Variants in PCDHA3 observed in about 807,000 individuals in gnomAD.
The protein encoded by PCDHA3 is protocadherin alpha 3.
A neutral mutation model predicts 62.2 loss-of-function variants in PCDHA3; 41 were observed. The ratio of observed to expected loss-of-function variants is 0.66; its 90% CI spans 0.51 to 0.86. PCDHA3 has a LOEUF of 0.86. PCDHA3 is among the 40% of genes least tolerant of loss of function. The probability of loss-of-function intolerance (pLI) is 0.00; values close to 1 mark genes in which losing one functional copy is unlikely to be tolerated. For missense variants in PCDHA3, 1,304 were observed against 1,241.2 expected (o/e 1.05, Z -0.76); for synonymous variants, 640 against 555.4 (o/e 1.15, Z -2.14).
intron 1 of PCDHA3, among the ~76,000 whole-genome samples, chr5:140,892,933 T>C (rs1323780846): frequency 6.6e-6 from 1 of 152,210 alleles, no homozygotes; most frequent in Non-Finnish European, 1.5e-5. Context: ...CAGCCTCTGA[T>C]AAGCACAATA....
chr5:140,841,456 G>T (rs2150315881), intron 1 of PCDHA3: 1 of 1,612,922 alleles, frequency 6.2e-7, no homozygotes, highest in South Asian at 1.1e-5. Context: ...GCACCTTCGT[G>T]GGCCGGATCG....
intron 1 of PCDHA3, chr5:140,828,480 C>A (rs2150155804): frequency 6.2e-7 from 1 of 1,614,198 alleles, no homozygotes; most frequent in African/African-American, 1.3e-5. Context: ...AACGACAACC[C>A]GCCCTTGTTC....
chr5:140,823,471 G>A (rs1554129365), intron 1 of PCDHA3: 8 of 1,613,470 alleles, frequency 5.0e-6, no homozygotes, highest in Non-Finnish European at 6.8e-6. Context: ...GGCGCTGCTG[G>A]TGCCTCGAGT....
At chr5:140,941,247 CT>C (rs1398354432) in intron 1 of PCDHA3, among the ~76,000 whole-genome samples, 1 of 128,506 alleles carries the variant, frequency 7.8e-6, no homozygotes, top group African/African-American at 2.9e-5. Context: ...TTCTTTCTTT[CT>C]TTCTTTCTCT....
At chr5:140,883,957 G>T (rs879988838) in intron 1 of PCDHA3, 1 of 1,613,246 alleles carries the variant, frequency 6.2e-7, no homozygotes, top group Non-Finnish European at 8.5e-7. Context: ...ACAACGCTCC[G>T]GCGCTGCTGA....
intron 1 of PCDHA3, among the ~76,000 whole-genome samples, chr5:140,942,504 G>C (rs2093309107): frequency 6.6e-6 from 1 of 151,936 alleles, no homozygotes; most frequent in Admixed American, 6.6e-5. Flanking sequence ...ATGGTATCTA[G>C]GAAACTCAGA....
chr5:140,988,622 ATGTCCTGGTTTTC>A (rs2097306090), intron 3 of PCDHA3, among the ~76,000 whole-genome samples: 1 of 152,124 alleles, frequency 6.6e-6, no homozygotes, highest in Non-Finnish European at 1.5e-5. Context: ...TAGAATGGAG[ATGTCCTGGTTTTC>A]TGAAATTAAA....
chr5:140,813,134 T>C (rs2126644012), intron 1 of PCDHA3: 6,324 of 152,306 alleles, frequency 0.042, 178 homozygotes, highest in Middle Eastern at 0.061. Flanking sequence ...TGGAATTTTC[T>C]GTATATGTCT....
chr5:140,848,569 T>C lies in PCDHA3; in HGVS notation c.2394+44978T>C, dbSNP rs1382719331. On this transcript the variant is annotated intron_variant, in intron 1 of 3. Coordinates refer to ENST00000522353, the MANE Select transcript of PCDHA3 (RefSeq NM_018906.3). ...TCGCTTCTGATCCTCGCAATGTGGG[T>C]GGTGGGGAGCGGCCAGCTCCACTAC... 5.0e-6 allele frequency: 8 copies of C among 1,595,090 alleles called. 2 individuals carry two copies. The highest frequency in any genetic ancestry group is 6.9e-6 in the Non-Finnish European group (8 of 1,165,390).
At chr5:140,885,981 G>A (rs536900560) in intron 1 of PCDHA3, among the ~76,000 whole-genome samples, 44 of 151,942 alleles carry the variant, frequency 2.9e-4, no homozygotes, top group African/African-American at 8.4e-4. Context: ...TTATAGATTC[G>A]CATGTGGTTG....
chr5:140,862,359 C>A lies in PCDHA3; in HGVS notation c.2394+58768C>A, dbSNP rs1364549064. ...CCTAACTTCAGTGCCAAGGGACAGA[C>A]GACCCGCACCCTGACTCCTCACGTC... On this transcript the variant is annotated intron_variant, in intron 1 of 3. Coordinates refer to ENST00000522353, the MANE Select transcript of PCDHA3 (RefSeq NM_018906.3). 17 of 337,738 alleles carry A rather than the reference C, an allele frequency of 5.0e-5. No individual in the cohort carries two copies. In the East Asian group the frequency reaches 1.2e-3, roughly 24 times the overall value. The allele number at this position is 337,738 out of a possible 1,614,324, so 20.9% of individuals were successfully genotyped here.
chr5:140,910,965 C>T (rs1554194514), intron 1 of PCDHA3, among the ~76,000 whole-genome samples: 1 of 152,098 alleles, frequency 6.6e-6, no homozygotes, highest in Non-Finnish European at 1.5e-5. Context: ...TAGCACACCT[C>T]CTCATGGGTT....
chr5:141,012,057 A>G lies in PCDHA3; in HGVS notation c.*2120A>G, dbSNP rs2098422809. 6.5e-6 allele frequency: 1 copy of G among 153,774 alleles called. No individual in the cohort carries two copies. Among genetic ancestry groups the G allele is most frequent in the African/African-American group, 2.4e-5 (1 of 41,454 alleles). The allele number at this position is 153,774 out of a possible 1,614,324, so 9.5% of individuals were successfully genotyped here. A position where few individuals can be genotyped will look rare whatever the true frequency, so the allele number is the denominator to read the frequency against. Reference sequence around the variant, plus strand: ...ATTGCATGGGGTAAAACTTGTTACCAACACATGTGAACCATTGCTACATTG... The same window carrying G: ...ATTGCATGGGGTAAAACTTGTTACCGACACATGTGAACCATTGCTACATTG... On this transcript the variant is annotated 3_prime_UTR_variant, in exon 4 of 4. Transcript: ENST00000522353.
chr5:140,973,450 T>C (rs1326852534), intron 1 of PCDHA3, among the ~76,000 whole-genome samples: 1 of 152,250 alleles, frequency 6.6e-6, no homozygotes, highest in Non-Finnish European at 1.5e-5. Context: ...TTATAATGAC[T>C]GGGGCTGTTT....
intron 1 of PCDHA3, chr5:140,812,287 T>A (rs1262930138): frequency 5.3e-5 from 8 of 152,076 alleles, no homozygotes; most frequent in Non-Finnish European, 1.0e-4. Flanking sequence ...GGTTATTGAA[T>A]TTTTTGGTAT....
intron 3 of PCDHA3, among the ~76,000 whole-genome samples, chr5:140,992,848 C>T (rs2097530967): frequency 6.6e-6 from 1 of 152,124 alleles, no homozygotes; most frequent in Non-Finnish European, 1.5e-5. Flanking sequence ...TGTATAACAA[C>T]CAGTTTCACT....
In PCDHA3 at chr5:140,870,953, C is replaced by T. The variant is rs782232980; in HGVS notation, c.2394+67362C>T. The T allele has an allele frequency of 3.2e-5, 51 of 1,613,668 alleles. No homozygotes were observed. In the East Asian group the frequency reaches 1.0e-3, roughly 32 times the overall value. ...GAATTGCAGCCGGCGGCGGGCGGCT[C>T]GCGCATCCCGTTCCGCGTGGGGCTG... On this transcript the variant is annotated intron_variant, in intron 1 of 3. Transcript: ENST00000522353.
At chr5:140,856,939 G>T (rs1554149308) in intron 1 of PCDHA3, 2 of 1,593,866 alleles carry the variant, frequency 1.3e-6, no homozygotes, top group Non-Finnish European at 1.7e-6. Flanking sequence ...TAAACGAAAG[G>T]ACGGGAGAAA....
At position 140,803,396 on chromosome 5, in the gene PCDHA3, G is replaced by A. The variant is rs781804776; in HGVS notation, c.2199G>A (p.Gly733=). The change falls in exon 1 of 4, where the codon GGG becomes GGA. Residue 733 remains glycine, a synonymous_variant. Coordinates refer to ENST00000522353, the MANE Select transcript of PCDHA3 (RefSeq NM_018906.3). Reference sequence around the variant, plus strand: ...CGCCGCCAACCGAAGGCGACTGTGGGCCGGGCAAGCCCACGCTGGTGTGCT... The same window carrying A: ...CGCCGCCAACCGAAGGCGACTGTGGACCGGGCAAGCCCACGCTGGTGTGCT... ...CSAPPTEGDC[G]PGKPTLVCSS... 6.2e-7 allele frequency: 1 copy of A among 1,614,230 alleles called. No individual in the cohort carries two copies. Among genetic ancestry groups the A allele is most frequent in the Non-Finnish European group, 8.5e-7 (1 of 1,180,050 alleles).
Sources: allele counts gnomAD v4.1 joint callset (sites outside exome capture counted in the v4.1 genomes callset), GRCh38; gene constraint gnomAD v4.1.1; transcripts MANE v1.5; gene names NCBI Gene and HGNC (gene_info 2026-07-23, HGNC 2026-07-21).